MTUS2: variants seen among roughly 807,000 people sequenced by gnomAD.
MTUS2 encodes the protein microtubule associated scaffold protein 2, also known as microtubule-associated tumor suppressor candidate 2.
In MTUS2, 40 loss-of-function variants were observed where a neutral mutation model predicts 114.1. The ratio of observed to expected loss-of-function variants is 0.35; its 90% CI spans 0.27 to 0.46. MTUS2 has a LOEUF of 0.46. Ranked by LOEUF, MTUS2 falls within the 20% of genes least tolerant of loss-of-function variation. The probability of loss-of-function intolerance (pLI) is 1.00; values close to 1 mark genes in which losing one functional copy is unlikely to be tolerated. For missense variants in MTUS2, 1,679 were observed against 1,705.4 expected (o/e 0.98, Z 0.27); for synonymous variants, 688 against 672.0 (o/e 1.02, Z -0.37).
chr13:29,360,590 C>G (rs1210422377), intron 8 of MTUS2, among the ~76,000 whole-genome samples: 1 of 151,946 alleles, frequency 6.6e-6, no homozygotes, highest in Non-Finnish European at 1.5e-5. Context: ...AGAATTTTAA[C>G]CCCAGCAGAA....
At chr13:29,120,466 A>G (rs1273751702) in intron 5 of MTUS2, among the ~76,000 whole-genome samples, 3 of 152,078 alleles carry the variant, frequency 2.0e-5, no homozygotes, top group Non-Finnish European at 4.4e-5. Context: ...ATATATAATA[A>G]AAGATAAATT....
At chr13:29,218,362 T>C (rs978857032) in intron 5 of MTUS2, among the ~76,000 whole-genome samples, 1 of 152,228 alleles carries the variant, frequency 6.6e-6, no homozygotes, top group Non-Finnish European at 1.5e-5. Context: ...CTTCTTCCAC[T>C]GAAGTCCTGA....
intron 5 of MTUS2, among the ~76,000 whole-genome samples, chr13:29,135,777 G>T (rs577902650): frequency 1.9e-4 from 29 of 152,098 alleles, no homozygotes; most frequent in African/African-American, 7.0e-4. Context: ...ATTTATGCTA[G>T]TTAAACTTCA....
chr13:29,057,878 T>C (rs1449843221), intron 4 of MTUS2, among the ~76,000 whole-genome samples: 1 of 152,166 alleles, frequency 6.6e-6, no homozygotes, highest in East Asian at 1.9e-4. Context: ...ATTGATTGTG[T>C]GGTTGTTTTA....
intron 2 of MTUS2, among the ~76,000 whole-genome samples, chr13:28,916,639 ATTTG>A (rs1394226699): frequency 3.3e-5 from 5 of 150,894 alleles, no homozygotes; most frequent in African/African-American, 9.7e-5. Flanking sequence ...ACTTTACTTA[ATTTG>A]TTTATCTGTT....
intron 8 of MTUS2, among the ~76,000 whole-genome samples, chr13:29,376,967 A>G (rs557395545): frequency 1.4e-3 from 177 of 130,990 alleles, no homozygotes; most frequent in African/African-American, 4.7e-3. Flanking sequence ...GAAAAACTGG[A>G]GTAGCTATAT....
At chr13:28,953,288 CG>C (rs1343159279) in intron 2 of MTUS2, among the ~76,000 whole-genome samples, 2 of 151,858 alleles carry the variant, frequency 1.3e-5, no homozygotes, top group Admixed American at 6.6e-5. Context: ...GTGGGTGGAT[CG>C]CCTGAGGTCA....
intron 6 of MTUS2, among the ~76,000 whole-genome samples, chr13:29,312,773 A>C (rs1566124157): frequency 6.6e-6 from 1 of 152,152 alleles, no homozygotes; most frequent in Non-Finnish European, 1.5e-5. Flanking sequence ...GAACTGGATT[A>C]TTTTCTTCCT....
intron 2 of MTUS2, among the ~76,000 whole-genome samples, chr13:28,900,855 G>A (rs1429843322): frequency 6.6e-6 from 1 of 152,212 alleles, no homozygotes; most frequent in Non-Finnish European, 1.5e-5. Context: ...ACATTCATGT[G>A]CAGGTTTTCC....
At chr13:29,484,567 C>T (rs1398154882) in intron 10 of MTUS2, among the ~76,000 whole-genome samples, 1 of 152,222 alleles carries the variant, frequency 6.6e-6, no homozygotes, top group Admixed American at 6.5e-5. Flanking sequence ...GGCTCTGAGC[C>T]GGTGTCCAGG....
intron 4 of MTUS2, among the ~76,000 whole-genome samples, chr13:29,047,112 C>G (rs1006572931): frequency 6.6e-6 from 1 of 152,214 alleles, no homozygotes; most frequent in Admixed American, 6.5e-5. Flanking sequence ...TTTGAGTGTT[C>G]AATTTCCTTA....
intron 4 of MTUS2, among the ~76,000 whole-genome samples, chr13:29,081,890 A>G (rs1889460060): frequency 6.6e-6 from 1 of 152,188 alleles, no homozygotes; most frequent in Admixed American, 6.5e-5. Flanking sequence ...ATGACCCAAG[A>G]ATATAAAAAT....
intron 6 of MTUS2, among the ~76,000 whole-genome samples, chr13:29,316,485 C>G (rs1899994198): frequency 6.6e-6 from 1 of 152,168 alleles, no homozygotes; most frequent in Admixed American, 6.5e-5. Context: ...CACCGCCTTC[C>G]TGCCCTCTCC....
At chr13:29,351,511 G>A (rs554307284) in intron 7 of MTUS2, among the ~76,000 whole-genome samples, 15 of 152,126 alleles carry the variant, frequency 9.9e-5, no homozygotes, top group South Asian at 2.1e-4. Context: ...TCCCCATCCC[G>A]GTTCCCGTGC....
chr13:29,247,175 T>G (rs1896957583), intron 5 of MTUS2, among the ~76,000 whole-genome samples: 1 of 152,194 alleles, frequency 6.6e-6, no homozygotes, highest in African/African-American at 2.4e-5. Context: ...AAGGACACCT[T>G]ATTCAACAAA....
intron 4 of MTUS2, among the ~76,000 whole-genome samples, chr13:29,040,954 A>G (rs1465398743): frequency 6.6e-6 from 1 of 152,068 alleles, no homozygotes; most frequent in Non-Finnish European, 1.5e-5. Context: ...GAAGCTTTTT[A>G]GTTGAATTAA....
chr13:29,167,991 C>A (rs1298370567), intron 5 of MTUS2, among the ~76,000 whole-genome samples: 3 of 152,076 alleles, frequency 2.0e-5, no homozygotes, highest in African/African-American at 7.2e-5. Context: ...ACAAAAGGAA[C>A]AATGTATAAT....
At chr13:29,477,897 C>A (rs59903271) in intron 9 of MTUS2, among the ~76,000 whole-genome samples, 2,468 of 152,080 alleles carry the variant, frequency 0.016, 54 homozygotes, top group African/African-American at 0.055. Context: ...CATTATTTTC[C>A]TGACTCACTA....
intron 15 of MTUS2, among the ~76,000 whole-genome samples, chr13:29,502,319 C>A (rs1882963484): frequency 1.3e-5 from 2 of 152,250 alleles, no homozygotes; most frequent in African/African-American, 4.8e-5. Flanking sequence ...TGCAACAAAG[C>A]AAGCAATTCG....
Sources: gnomAD v4.1 joint callset for allele counts (sites outside exome capture counted in the v4.1 genomes callset) on GRCh38, gnomAD v4.1.1 for gene constraint, MANE v1.5 for transcripts, NCBI Gene and HGNC (gene_info 2026-07-23, HGNC 2026-07-21) for gene names.